The following OPCML variants were observed in gnomAD, a reference collection of about 807,000 sequenced individuals.
OPCML encodes opioid binding protein/cell adhesion molecule like.
A neutral mutation model predicts 37.8 loss-of-function variants in OPCML; 13 were observed. That is an observed-to-expected ratio of 0.34 (90% CI 0.22 to 0.55). The LOEUF is 0.55. Among genes scored for constraint, OPCML ranks in the 20% least tolerant of loss-of-function variants. OPCML has a pLI of 0.91. For missense variants in OPCML, 341 were observed against 435.6 expected (o/e 0.78, Z 1.93); for synonymous variants, 176 against 168.8 (o/e 1.04, Z -0.33).
intron 7 of OPCML, among the ~76,000 whole-genome samples, chr11:132,435,001 A>G (rs569295043): frequency 1.3e-5 from 2 of 152,340 alleles, no homozygotes; most frequent in South Asian, 4.1e-4. Flanking sequence ...CTACATGCTT[A>G]TTATCTAAAC....
At chr11:133,078,261 A>G (rs1296982146) in intron 1 of OPCML, among the ~76,000 whole-genome samples, 3 of 152,158 alleles carry the variant, frequency 2.0e-5, no homozygotes, top group Non-Finnish European at 4.4e-5. Context: ...GATCTGATAA[A>G]CATGGGGCTG....
Position 133,288,085 on chromosome 11 carries a change from T to C in OPCML, c.61+244179A>G, listed in dbSNP as rs187285709. On this transcript the variant is annotated intron_variant, in intron 1 of 7. Coordinates refer to ENST00000524381, the MANE Select transcript of OPCML (RefSeq NM_001012393.5). ...ACTTGGATGGATTCTAAGCATCTTA[T>C]TGTGTGTCCATGATAGCACTGCAGC... Among the ~76,000 whole-genome samples, 65 of 152,344 alleles carry C rather than the reference T, an allele frequency of 4.3e-4. No individual in the cohort carries two copies. The East Asian group carries it at 0.012, about 28-fold the overall frequency.
intron 1 of OPCML, chr11:133,005,069 C>A (rs909449299): frequency 2.0e-6 from 2 of 985,322 alleles, no homozygotes; most frequent in Non-Finnish European, 2.4e-6. Flanking sequence ...GAATGCCACA[C>A]CCTTGCTTGG....
intron 3 of OPCML, among the ~76,000 whole-genome samples, chr11:132,560,054 A>G (rs2096407203): frequency 6.6e-6 from 1 of 152,244 alleles, no homozygotes; most frequent in Non-Finnish European, 1.5e-5. Context: ...TGTATAAAAT[A>G]TAGATTTGAA....
At chr11:132,829,817 TTTTCTCATGTG>T (rs1940581849) in intron 2 of OPCML, among the ~76,000 whole-genome samples, 1 of 152,226 alleles carries the variant, frequency 6.6e-6, no homozygotes, top group African/African-American at 2.4e-5. Flanking sequence ...CAGACTCTAT[TTTTCTCATGTG>T]TTTCTCATAA....
At chr11:132,745,588 G>GAAAA (rs1945596995) in intron 2 of OPCML, among the ~76,000 whole-genome samples, 1 of 140,422 alleles carries the variant, frequency 7.1e-6, no homozygotes, top group African/African-American at 2.7e-5. Context: ...AAAAAAGAAA[G>GAAAA]AAAGAAAGAA....
chr11:132,712,401 G>T (rs560282575), intron 2 of OPCML, among the ~76,000 whole-genome samples: 1 of 151,986 alleles, frequency 6.6e-6, no homozygotes, highest in South Asian at 2.1e-4. Flanking sequence ...CCCCCTCGGT[G>T]GAAGAGCTGT....
At chr11:132,634,668 GAGAA>G in intron 3 of OPCML, among the ~76,000 whole-genome samples, 2 of 152,232 alleles carry the variant, frequency 1.3e-5, no homozygotes, top group Non-Finnish European at 2.9e-5. Flanking sequence ...CTTTAGAGAT[GAGAA>G]ATCAGCACTT....
intron 1 of OPCML, among the ~76,000 whole-genome samples, chr11:133,465,275 C>T (rs1946949810): frequency 6.6e-6 from 1 of 152,094 alleles, no homozygotes; most frequent in Non-Finnish European, 1.5e-5. Flanking sequence ...TGACTCTGAC[C>T]CCATAACCCT....
At position 132,657,275 on chromosome 11, in the gene OPCML, C is replaced by A. The variant is rs762120321; in HGVS notation, c.191G>T (p.Arg64Leu). The change falls in exon 3 of 8, where the codon CGC becomes CTC. Residue 64 changes from arginine to leucine, a missense_variant. By Grantham distance (102) the Arg-to-Leu change is moderately radical. Coordinates refer to ENST00000524381, the MANE Select transcript of OPCML (RefSeq NM_001012393.5). ...DRVTRVAWLN[R>L]STILYAGNDK... ...ATTCCCAGCGTAGAGGATGGTGCTG[C>A]GGTTTAGCCAGGCCACCCGGGTTAC... 2 of 1,614,156 alleles carry A rather than the reference C, an allele frequency of 1.2e-6. No individual in the cohort carries two copies. Among genetic ancestry groups the A allele is most frequent in the Non-Finnish European group, 1.7e-6 (2 of 1,180,046 alleles).
chr11:133,039,527 T>C (rs191449071), intron 1 of OPCML, among the ~76,000 whole-genome samples: 5 of 152,092 alleles, frequency 3.3e-5, no homozygotes, highest in Middle Eastern at 3.4e-3. Context: ...GTATACCCAT[T>C]GGATGGTGGT....
chr11:133,470,968 A>G (rs1185504445), intron 1 of OPCML, among the ~76,000 whole-genome samples: 1 of 152,296 alleles, frequency 6.6e-6, no homozygotes, highest in South Asian at 2.1e-4. Flanking sequence ...TGTCCACCAA[A>G]TCAACAAACT....
intron 1 of OPCML, among the ~76,000 whole-genome samples, chr11:133,157,400 G>A (rs1402553070): frequency 6.6e-6 from 1 of 152,148 alleles, no homozygotes; most frequent in African/African-American, 2.4e-5. Flanking sequence ...TCCCAGAGGG[G>A]ACACAACGTC....
At chr11:132,715,246 G>T (rs1944427102) in intron 2 of OPCML, among the ~76,000 whole-genome samples, 1 of 152,196 alleles carries the variant, frequency 6.6e-6, no homozygotes, top group African/African-American at 2.4e-5. Flanking sequence ...TTACTCATCT[G>T]TTCAACACAG....
Position 132,446,103 on chromosome 11 carries a change from C to CTTTT in OPCML, c.506-8748_506-8745dup, listed in dbSNP as rs58784534. On this transcript the variant is annotated intron_variant, in intron 4 of 7. Transcript: ENST00000524381. Reference sequence around the variant, plus strand: ...GTGTTTAGCTTGGCTCTGCTTGTGTCTTTTTTTTTTTTTTTTTTTTTTTTT... The same window carrying CTTTT: ...GTGTTTAGCTTGGCTCTGCTTGTGTCTTTTTTTTTTTTTTTTTTTTTTTTTTTTT... Among the ~76,000 whole-genome samples the CTTTT allele has an allele frequency of 1.5e-3, 71 of 48,514 alleles. 17 individuals are homozygous for CTTTT. Among genetic ancestry groups the CTTTT allele is most frequent in the South Asian group, 5.7e-3 (6 of 1,054 alleles). 31.8% of individuals were successfully genotyped at this position (48,514 alleles called of 152,430 possible). A position where few individuals can be genotyped will look rare whatever the true frequency, so the allele number is the denominator to read the frequency against.
At position 132,437,285 on chromosome 11, in the gene OPCML, C is replaced by T. The variant is rs148167692; in HGVS notation, c.580G>A (p.Glu194Lys). The change falls in exon 5 of 8, where the codon GAA becomes AAA. Residue 194 changes from glutamate (E) to lysine (K), a missense_variant. Transcript: ENST00000524381. ...GCGACATCGTTCAACGCGCTGCATT[C>T]GTACTCCCCGGACTGGTCTCGCTTG... ...DIKRDQSGEY[E>K]CSALNDVAAP... 6.2e-7 allele frequency: 1 copy of T among 1,614,200 alleles called. No individual in the cohort carries two copies. The highest frequency in any genetic ancestry group is 8.5e-7 in the Non-Finnish European group (1 of 1,180,038).
At chr11:133,156,961 G>C (rs1950070796) in intron 1 of OPCML, among the ~76,000 whole-genome samples, 1 of 152,066 alleles carries the variant, frequency 6.6e-6, no homozygotes, top group Admixed American at 6.6e-5. Context: ...ACTCACAGCA[G>C]CCTGTTCCCT....
intron 1 of OPCML, among the ~76,000 whole-genome samples, chr11:133,382,206 C>A (rs1944944591): frequency 6.6e-6 from 1 of 152,196 alleles, no homozygotes; most frequent in African/African-American, 2.4e-5. Flanking sequence ...TAGCATAATG[C>A]TCATTAATCA....
At chr11:132,733,943 T>C (rs1357033372) in intron 2 of OPCML, among the ~76,000 whole-genome samples, 1 of 152,210 alleles carries the variant, frequency 6.6e-6, no homozygotes, top group Non-Finnish European at 1.5e-5. Context: ...TTGAATTACA[T>C]TGAATTAAAA....
Sources: gnomAD v4.1 joint callset for allele counts (sites outside exome capture counted in the v4.1 genomes callset) on GRCh38, gnomAD v4.1.1 for gene constraint, MANE v1.5 for transcripts, NCBI Gene and HGNC (gene_info 2026-07-23, HGNC 2026-07-21) for gene names.